The following DLG2 variants were observed in gnomAD, a reference collection of about 807,000 sequenced individuals.
DLG2 encodes discs large MAGUK scaffold protein 2.
Under a neutral mutation model 132.5 loss-of-function variants are expected in DLG2, and 45 were observed. The observed-to-expected ratio is 0.34, with a 90% CI of 0.27 to 0.44. DLG2 has a LOEUF of 0.44. Ranked by LOEUF, DLG2 falls within the 20% of genes least tolerant of loss-of-function variation. The pLI is 1.00. For synonymous variants in DLG2, 424 were observed against 419.6 expected, an observed-to-expected ratio of 1.01 and a Z score of -0.13; for missense variants, 1,045 against 1,196.9, an observed-to-expected ratio of 0.87 and a Z score of 1.87.
At chr11:84,306,471 G>T (rs549673413) in intron 7 of DLG2, among the ~76,000 whole-genome samples, 1 of 152,130 alleles carries the variant, frequency 6.6e-6, no homozygotes, top group East Asian at 1.9e-4. Flanking sequence ...GGGAACAACT[G>T]ACAAAATTGC....
At chr11:84,513,773 GCCC>G (rs1554984945) in intron 7 of DLG2, among the ~76,000 whole-genome samples, 2 of 149,390 alleles carry the variant, frequency 1.3e-5, no homozygotes, top group African/African-American at 4.9e-5. Context: ...ATTGGTCCAG[GCCC>G]CCCAAAAAAA....
intron 17 of DLG2, among the ~76,000 whole-genome samples, chr11:83,813,558 T>C (rs1291669860): frequency 6.6e-6 from 1 of 152,154 alleles, no homozygotes; most frequent in East Asian, 1.9e-4. Flanking sequence ...AAGTCCTCAG[T>C]AACATCAGAA....
chr11:85,363,003 A>C (rs2084278116), intron 3 of DLG2, among the ~76,000 whole-genome samples: 1 of 152,204 alleles, frequency 6.6e-6, no homozygotes. Context: ...AAGCTTGCAC[A>C]CACTGTCACA....
intron 3 of DLG2, among the ~76,000 whole-genome samples, chr11:85,445,097 CA>C (rs1290143168): frequency 6.6e-6 from 1 of 152,166 alleles, no homozygotes; most frequent in Non-Finnish European, 1.5e-5. Context: ...CCAACATCTA[CA>C]AATTCTACCA....
At chr11:85,189,834 C>T (rs1206364815) in intron 4 of DLG2, among the ~76,000 whole-genome samples, 1 of 152,014 alleles carries the variant, frequency 6.6e-6, no homozygotes, top group Non-Finnish European at 1.5e-5. Flanking sequence ...GTCTCATTCT[C>T]ACCCAGACTG....
chr11:85,376,457 C>A (rs977127512), intron 3 of DLG2, among the ~76,000 whole-genome samples: 13 of 152,130 alleles, frequency 8.5e-5, no homozygotes, highest in African/African-American at 3.1e-4. Flanking sequence ...AGGCCTGAAC[C>A]AAGTTTTTTT....
intron 19 of DLG2, among the ~76,000 whole-genome samples, chr11:83,619,513 C>T (rs180963017): frequency 4.3e-4 from 65 of 152,048 alleles, no homozygotes; most frequent in Non-Finnish European, 5.9e-5. Flanking sequence ...GCTATCTAAC[C>T]TTGGTTTCAT....
intron 6 of DLG2, among the ~76,000 whole-genome samples, chr11:85,098,312 T>C (rs1035875395): frequency 6.6e-6 from 1 of 152,202 alleles, no homozygotes; most frequent in Non-Finnish European, 1.5e-5. Context: ...GAGGATTGTA[T>C]TCCCTTCCAC....
intron 7 of DLG2, among the ~76,000 whole-genome samples, chr11:84,466,486 A>T (rs1301317727): frequency 6.6e-6 from 1 of 151,330 alleles, no homozygotes; most frequent in Non-Finnish European, 1.5e-5. Context: ...CAGAAGACAC[A>T]AACGACTACA....
Position 84,370,286 on chromosome 11 carries a change from C to T in DLG2, c.520-118995G>A, listed in dbSNP as rs893981545. Among the ~76,000 whole-genome samples the T allele has an allele frequency of 5.9e-5, 9 of 151,974 alleles. No individual in the cohort carries two copies. The South Asian group carries it at 1.9e-3, about 32-fold the overall frequency. The stretch of plus-strand genomic sequence containing the variant: ...TTCAACTTTATTAGGTACTTAAAAT[C>T]CTTATGAAAATTTGAAATATTATTC... On this transcript the variant is annotated intron_variant, in intron 7 of 27. Coordinates refer to ENST00000376104, the MANE Select transcript of DLG2 (RefSeq NM_001142699.3).
chr11:83,779,508 C>A (rs1042471689), intron 18 of DLG2, among the ~76,000 whole-genome samples: 7 of 152,068 alleles, frequency 4.6e-5, no homozygotes, highest in African/African-American at 1.7e-4. Context: ...CCCTTTATGT[C>A]CATTTGATTA....
intron 5 of DLG2, among the ~76,000 whole-genome samples, chr11:85,150,167 C>G (rs922502166): frequency 6.6e-6 from 1 of 151,564 alleles, no homozygotes; most frequent in African/African-American, 2.4e-5. Flanking sequence ...CTACAGGCAC[C>G]TGCCACTATG....
At chr11:85,628,222 C>T (rs2082118728), upstream of DLG2, among the ~76,000 whole-genome samples, 1 of 152,176 alleles carries the variant, frequency 6.6e-6, no homozygotes, top group Non-Finnish European at 1.5e-5. Flanking sequence ...GGCGAGTTCC[C>T]TCAAGGACTG....
At chr11:84,362,598 C>T (rs976572749) in intron 7 of DLG2, among the ~76,000 whole-genome samples, 17 of 151,648 alleles carry the variant, frequency 1.1e-4, no homozygotes, top group East Asian at 2.0e-4. Context: ...CATGCTGGTG[C>T]GCTGCACCCA....
chr11:83,687,897 C>T (rs1287227778), intron 18 of DLG2, among the ~76,000 whole-genome samples: 1 of 151,834 alleles, frequency 6.6e-6, no homozygotes, highest in Non-Finnish European at 1.5e-5. Context: ...AGCTACTCAG[C>T]AGGCTGAGGG....
At chr11:83,506,483 C>T (rs780771631) in intron 21 of DLG2, among the ~76,000 whole-genome samples, 11 of 152,140 alleles carry the variant, frequency 7.2e-5, no homozygotes, top group Non-Finnish European at 1.3e-4. Flanking sequence ...AGGCACCAGC[C>T]AGAAGTTTAG....
chr11:85,225,291 G>T (rs1386845760), intron 4 of DLG2, among the ~76,000 whole-genome samples: 1 of 151,956 alleles, frequency 6.6e-6, no homozygotes, highest in Non-Finnish European at 1.5e-5. Context: ...ACCCTAAAGT[G>T]GCTATTATAA....
At chr11:84,726,191 G>A (rs889702039) in intron 6 of DLG2, among the ~76,000 whole-genome samples, 4 of 152,022 alleles carry the variant, frequency 2.6e-5, no homozygotes, top group African/African-American at 7.3e-5. Context: ...AGGTATACAC[G>A]TGGCATGGTG....
chr11:83,690,547 C>T (rs1330825751), intron 18 of DLG2, among the ~76,000 whole-genome samples: 2 of 151,988 alleles, frequency 1.3e-5, no homozygotes, highest in Non-Finnish European at 2.9e-5. Context: ...GTAATAATAA[C>T]CACTTGCTGA....
Sources: allele counts gnomAD v4.1 joint callset (sites outside exome capture counted in the v4.1 genomes callset), GRCh38; gene constraint gnomAD v4.1.1; transcripts MANE v1.5; gene names NCBI Gene and HGNC (gene_info 2026-07-23, HGNC 2026-07-21).